Variants in PSME4 observed in about 807,000 individuals in gnomAD.
The protein encoded by PSME4 is proteasome activator subunit 4.
Under a neutral mutation model 253.9 loss-of-function variants are expected in PSME4, and 89 were observed. The ratio of observed to expected loss-of-function variants is 0.35; its 90% CI spans 0.30 to 0.42. PSME4 has a LOEUF of 0.42. Among genes scored for constraint, PSME4 ranks in the 10% least tolerant of loss-of-function variants. PSME4 has a pLI of 1.00. For missense variants in PSME4, 2,014 were observed against 2,195.2 expected, an observed-to-expected ratio of 0.92 and a Z score of 1.65; for synonymous variants, 851 against 759.2, an observed-to-expected ratio of 1.12 and a Z score of -1.99.
intron 1 of PSME4, among the ~76,000 whole-genome samples, chr2:53,967,649 CAA>C (rs71408747): frequency 3.6e-3 from 78 of 21,530 alleles, no homozygotes; most frequent in African/African-American, 0.013. Context: ...GAGATTGTCT[CAA>C]AAAAAAAAAA....
Position 53,901,564 on chromosome 2 carries a change from A to AG in PSME4, c.3076-6dup. 1 of 1,594,920 alleles carries AG rather than the reference A, an allele frequency of 6.3e-7. No individual in the cohort carries two copies. The highest frequency in any genetic ancestry group is 8.6e-7 in the Non-Finnish European group (1 of 1,166,190). On this transcript the variant is annotated splice_region_variant and splice_polypyrimidine_tract_variant and intron_variant, in intron 27 of 46. Transcript: ENST00000404125. Reference sequence around the variant, plus strand: ...AAGGAGACAGTACAAGGCACCCTGCAGAAAAAAAAATATATATATGTTTAC... The same window carrying AG: ...AAGGAGACAGTACAAGGCACCCTGCAGGAAAAAAAAATATATATATGTTTAC...
At chr2:53,927,017 G>A (rs1668587638) in intron 12 of PSME4, among the ~76,000 whole-genome samples, 2 of 151,666 alleles carry the variant, frequency 1.3e-5, no homozygotes, top group Admixed American at 1.3e-4. Context: ...TTTTGAAAGA[G>A]CCAGACAGAA....
In PSME4 at chr2:53,890,218, A is replaced by G. The variant is rs189636111; in HGVS notation, c.4192-10T>C. On this transcript the variant is annotated splice_polypyrimidine_tract_variant and intron_variant, in intron 36 of 46. Coordinates refer to ENST00000404125, the MANE Select transcript of PSME4 (RefSeq NM_014614.3). The stretch of plus-strand genomic sequence containing the variant: ...CCCAAAGCTTCTCCACCTACTCAAA[A>G]CAAAATATATGGGTAAGAGTTAATG... The G allele has an allele frequency of 3.2e-6, 5 of 1,584,728 alleles. No individual in the cohort carries two copies. In the African/African-American group the frequency reaches 6.7e-5, roughly 21 times the overall value.
chr2:53,970,814 C>A lies in PSME4; in HGVS notation c.-30G>T. 1 of 1,461,326 alleles carries A rather than the reference C, an allele frequency of 6.8e-7. No individual in the cohort carries two copies. The highest frequency in any genetic ancestry group is 9.1e-7 in the Non-Finnish European group (1 of 1,103,092). 90.5% of individuals were successfully genotyped at this position (1,461,326 alleles called of 1,614,324 possible). On this transcript the variant is annotated 5_prime_UTR_variant, in exon 1 of 47. Coordinates refer to ENST00000404125, the MANE Select transcript of PSME4 (RefSeq NM_014614.3). ...CCAGGGACACCCCCCCCACCCCCTC[C>A]CACCCGAACCCTCCCCGGCCCCCAC...
intron 3 of PSME4, among the ~76,000 whole-genome samples, chr2:53,940,991 A>AT (rs1669425846): frequency 1.0e-5 from 1 of 95,290 alleles, no homozygotes; most frequent in South Asian, 3.7e-4. Context: ...ATATATATAT[A>AT]TATATATATG....
At chr2:53,919,575 C>T (rs1027593453) in intron 19 of PSME4, among the ~76,000 whole-genome samples, 2 of 152,168 alleles carry the variant, frequency 1.3e-5, no homozygotes, top group African/African-American at 4.8e-5. Flanking sequence ...AGAAGATCTT[C>T]CAGCTTATTC....
At chr2:53,913,246 G>A (rs987154374) in intron 20 of PSME4, among the ~76,000 whole-genome samples, 2 of 151,972 alleles carry the variant, frequency 1.3e-5, no homozygotes, top group Admixed American at 1.3e-4. Context: ...TAAAATATTT[G>A]TACCACTAAA....
intron 29 of PSME4, 22 bp downstream of exon 29, chr2:53,899,859 A>C (rs371290137): frequency 4.3e-6 from 7 of 1,610,158 alleles, no homozygotes; most frequent in Non-Finnish European, 5.1e-6. Flanking sequence ...TCATCTATTG[A>C]AGTACACCAT....
intron 43 of PSME4, among the ~76,000 whole-genome samples, chr2:53,871,403 G>A (rs988274615): frequency 1.3e-5 from 2 of 151,850 alleles, no homozygotes; most frequent in South Asian, 4.2e-4. Flanking sequence ...GCTACAACCC[G>A]CTGCCACGCC....
intron 45 of PSME4, 54 bp from the exon 46 acceptor site, chr2:53,866,277 T>C: frequency 3.8e-6 from 6 of 1,574,628 alleles, no homozygotes; most frequent in Non-Finnish European, 5.2e-6. Flanking sequence ...ACCAGGATCA[T>C]ATGTAGGATA....
chr2:53,901,019 C>T lies in PSME4; in HGVS notation c.3285+331G>A, dbSNP rs1006634843. ...AGTAGTCGATCTTTTGCGACTTTGG[C>T]TAGCATGGTAAACCTCATAAAATAT... On this transcript the variant is annotated intron_variant, in intron 28 of 46. Coordinates refer to ENST00000404125, the MANE Select transcript of PSME4 (RefSeq NM_014614.3). 3.3e-5 allele frequency among the ~76,000 whole-genome samples: 5 copies of T among 152,166 alleles called. No homozygotes were observed. The South Asian group carries it at 6.2e-4, about 19-fold the overall frequency.
chr2:53,966,542 T>C (rs187787953), intron 1 of PSME4, among the ~76,000 whole-genome samples: 2 of 151,022 alleles, frequency 1.3e-5, no homozygotes, highest in Admixed American at 1.3e-4. Context: ...CACATGCCTA[T>C]AATCCCAGCT....
intron 1 of PSME4, among the ~76,000 whole-genome samples, chr2:53,961,190 T>G (rs1326686297): frequency 6.6e-6 from 1 of 152,204 alleles, no homozygotes; most frequent in Non-Finnish European, 1.5e-5. Context: ...ATATTTATAG[T>G]ATGTGCTGCT....
intron 27 of PSME4, 78 bp from the exon 28 acceptor site, chr2:53,901,637 T>C: frequency 1.6e-6 from 2 of 1,216,760 alleles, no homozygotes; most frequent in Non-Finnish European, 1.1e-6. Flanking sequence ...CACCTATGTA[T>C]TGGTTTTAAA....
chr2:53,934,159 T>C (rs1482336548), intron 8 of PSME4, among the ~76,000 whole-genome samples: 1 of 152,230 alleles, frequency 6.6e-6, no homozygotes, highest in Non-Finnish European at 1.5e-5. Flanking sequence ...TTTAATGATG[T>C]CAACAAAGTA....
Position 53,892,907 on chromosome 2 carries a change from T to C in PSME4, c.4092A>G (p.Leu1364=), listed in dbSNP as rs1399886456. The C allele has an allele frequency of 6.2e-7, 1 of 1,613,858 alleles. No individual in the cohort carries two copies. Among genetic ancestry groups the C allele is most frequent in the South Asian group, 1.1e-5 (1 of 91,054 alleles). The part of the protein sequence containing the change: ...DAFLPVLKPH[L]EHLVADSHES... ...CATGTGAATCTGCAACCAAATGTTC[T>C]AAATGGGGCTTCAGAACTGGCAGGA... Residue 1364 remains leucine (L), a synonymous_variant, in exon 36 of 47, where the codon TTA becomes TTG. Coordinates refer to ENST00000404125, the MANE Select transcript of PSME4 (RefSeq NM_014614.3).
intron 41 of PSME4, among the ~76,000 whole-genome samples, chr2:53,878,394 C>G (rs1244606157): frequency 6.6e-6 from 1 of 152,056 alleles, no homozygotes; most frequent in Non-Finnish European, 1.5e-5. Flanking sequence ...GTTAATTGCA[C>G]AAATTGTTTA....
intron 1 of PSME4, among the ~76,000 whole-genome samples, chr2:53,966,871 C>G (rs188406507): frequency 1.6e-4 from 24 of 152,174 alleles, no homozygotes; most frequent in Admixed American, 1.0e-3. Context: ...GGCTAATTTT[C>G]TTAATTTTAG....
Position 53,866,017 on chromosome 2 carries a change from A to G in PSME4, c.*4+68T>C, listed in dbSNP as rs1016284999. ...GACATCTAAGAATGTCAGCAAAAAG[A>G]AAAAAAACAATAAATATCTAGTTCT... On this transcript the variant is annotated intron_variant, in intron 46 of 46. Coordinates refer to ENST00000404125, the MANE Select transcript of PSME4 (RefSeq NM_014614.3). 1.5e-5 allele frequency: 22 copies of G among 1,425,650 alleles called. No homozygotes were observed. The African/African-American group carries it at 1.6e-4, about 10-fold the overall frequency. 88.3% of individuals were successfully genotyped at this position (1,425,650 alleles called of 1,614,324 possible). A position where few individuals can be genotyped will look rare whatever the true frequency, so the allele number is the denominator to read the frequency against.
Sources: allele counts gnomAD v4.1 joint callset (sites outside exome capture counted in the v4.1 genomes callset), GRCh38; gene constraint gnomAD v4.1.1; transcripts MANE v1.5; gene names NCBI Gene and HGNC (gene_info 2026-07-23, HGNC 2026-07-21).